The following SPATA16 variants were observed in gnomAD, a reference collection of about 807,000 sequenced individuals.
The protein encoded by SPATA16 is spermatogenesis-associated protein 16.
SPATA16 carries 36 observed loss-of-function variants against 63.3 expected under a neutral mutation model. The ratio of observed to expected loss-of-function variants is 0.57; its 90% CI spans 0.44 to 0.75. The LOEUF is 0.75. Ranked by LOEUF, SPATA16 falls within the 30% of genes least tolerant of loss-of-function variation. The pLI is 0.00. For missense variants in SPATA16, 646 were observed against 679.3 expected, an observed-to-expected ratio of 0.95 and a Z score of 0.54; for synonymous variants, 203 against 216.7, an observed-to-expected ratio of 0.94 and a Z score of 0.56.
chr3:173,100,513 C>T (rs1357526019), intron 2 of SPATA16, among the ~76,000 whole-genome samples: 2 of 152,084 alleles, frequency 1.3e-5, no homozygotes, highest in African/African-American at 2.4e-5. Context: ...TTAGTTTTCA[C>T]TTTTCATCGT....
At chr3:173,029,233 G>A (rs552354043) in intron 3 of SPATA16, among the ~76,000 whole-genome samples, 1 of 151,992 alleles carries the variant, frequency 6.6e-6, no homozygotes, top group South Asian at 2.1e-4. Context: ...GTATATTCAC[G>A]AAAATTTCTT....
chr3:173,063,363 AAAG>A (rs1179629663), intron 2 of SPATA16, among the ~76,000 whole-genome samples: 1 of 152,200 alleles, frequency 6.6e-6, no homozygotes, highest in Non-Finnish European at 1.5e-5. Context: ...GCAAAAGTGG[AAAG>A]AAGAAGGACT....
chr3:173,108,974 T>C (rs1050287915), intron 2 of SPATA16, among the ~76,000 whole-genome samples: 2 of 152,186 alleles, frequency 1.3e-5, no homozygotes, highest in Non-Finnish European at 2.9e-5. Flanking sequence ...TCTCAGAATG[T>C]ATCTCTATTG....
chr3:173,094,662 G>A (rs1237414945), intron 2 of SPATA16, among the ~76,000 whole-genome samples: 4 of 150,546 alleles, frequency 2.7e-5, no homozygotes, highest in Non-Finnish European at 5.9e-5. Context: ...ATGCAAATAA[G>A]GTGTTATGGG....
chr3:173,005,985 A>G (rs368330366), intron 4 of SPATA16, among the ~76,000 whole-genome samples: 1 of 152,230 alleles, frequency 6.6e-6, no homozygotes, highest in Non-Finnish European at 1.5e-5. Context: ...AGAGATGACT[A>G]TAAACTTGAA....
At chr3:173,020,814 A>G (rs1735313052) in intron 3 of SPATA16, among the ~76,000 whole-genome samples, 1 of 152,228 alleles carries the variant, frequency 6.6e-6, no homozygotes, top group Non-Finnish European at 1.5e-5. Context: ...ACAGAATGTT[A>G]CAGAACCAAC....
intron 6 of SPATA16, among the ~76,000 whole-genome samples, chr3:172,946,008 G>A (rs1402377246): frequency 1.3e-5 from 2 of 152,100 alleles, no homozygotes; most frequent in Non-Finnish European, 2.9e-5. Flanking sequence ...AAAGGGAGAG[G>A]GGTGAGTAAA....
intron 2 of SPATA16, among the ~76,000 whole-genome samples, chr3:173,111,447 C>T (rs1281869452): frequency 6.6e-6 from 1 of 152,078 alleles, no homozygotes; most frequent in Non-Finnish European, 1.5e-5. Context: ...ATGCCTGGAA[C>T]CCAGCAGTAG....
intron 10 of SPATA16, among the ~76,000 whole-genome samples, chr3:172,894,895 C>T (rs1013045145): frequency 3.3e-5 from 5 of 152,312 alleles, no homozygotes; most frequent in African/African-American, 1.2e-4. Flanking sequence ...ATTTTCCAGC[C>T]TCTGGAATGA....
intron 4 of SPATA16, among the ~76,000 whole-genome samples, chr3:172,979,908 C>T (rs1303620147): frequency 6.6e-6 from 1 of 152,146 alleles, no homozygotes; most frequent in African/African-American, 2.4e-5. Flanking sequence ...AGATATATTT[C>T]ATAAGTATGA....
At chr3:172,931,072 C>T (rs1386484362) in intron 6 of SPATA16, among the ~76,000 whole-genome samples, 20 of 152,140 alleles carry the variant, frequency 1.3e-4, no homozygotes. Flanking sequence ...GATCCACCCA[C>T]CTGGGCCTCC....
At chr3:173,012,048 C>T (rs1418982213) in intron 4 of SPATA16, among the ~76,000 whole-genome samples, 2 of 152,212 alleles carry the variant, frequency 1.3e-5, no homozygotes, top group Non-Finnish European at 2.9e-5. Flanking sequence ...TAGTCTCAAA[C>T]TCCTGGCCTT....
At chr3:173,019,133 C>T (rs1397850813) in intron 4 of SPATA16, among the ~76,000 whole-genome samples, 1 of 152,070 alleles carries the variant, frequency 6.6e-6, no homozygotes, top group Non-Finnish European at 1.5e-5. Context: ...GATTGGATTT[C>T]CTCTCCAGTG....
intron 4 of SPATA16, 128 bp from the exon 5 acceptor site, chr3:172,977,180 A>G (rs973758890): frequency 7.5e-6 from 6 of 795,968 alleles, no homozygotes; most frequent in Admixed American, 4.6e-5. Flanking sequence ...CTAGACTAAT[A>G]TTAAGCAAAA....
chr3:172,981,390 C>T (rs1431055916), intron 4 of SPATA16, among the ~76,000 whole-genome samples: 1 of 152,194 alleles, frequency 6.6e-6, no homozygotes, highest in Non-Finnish European at 1.5e-5. Flanking sequence ...GAAAAACTAA[C>T]CTCTTTATAG....
At chr3:173,083,806 A>G (rs550489967) in intron 2 of SPATA16, among the ~76,000 whole-genome samples, 261 of 152,312 alleles carry the variant, frequency 1.7e-3, no homozygotes, top group Non-Finnish European at 3.2e-3. Flanking sequence ...ATGTCCCTGC[A>G]AAGAACATGA....
intron 2 of SPATA16, among the ~76,000 whole-genome samples, chr3:173,102,496 T>C (rs1045458041): frequency 2.0e-5 from 3 of 152,180 alleles, no homozygotes; most frequent in Admixed American, 6.5e-5. Flanking sequence ...GTATGTCACA[T>C]GGCAAGAGCC....
chr3:172,927,880 G>A (rs1207448727), intron 6 of SPATA16, among the ~76,000 whole-genome samples: 1 of 152,042 alleles, frequency 6.6e-6, no homozygotes, highest in Admixed American at 6.6e-5. Flanking sequence ...TTAACATACA[G>A]ATTGCAAGTA....
chr3:172,977,325 A>C (rs1043116850), intron 4 of SPATA16, among the ~76,000 whole-genome samples: 2 of 152,130 alleles, frequency 1.3e-5, no homozygotes, highest in Non-Finnish European at 2.9e-5. Flanking sequence ...GAATATTTAA[A>C]GATTATGAGA....
Sources: gnomAD v4.1 joint callset for allele counts (sites outside exome capture counted in the v4.1 genomes callset) on GRCh38, gnomAD v4.1.1 for gene constraint, MANE v1.5 for transcripts, NCBI Gene and HGNC (gene_info 2026-07-23, HGNC 2026-07-21) for gene names.